The following WDFY2 variants were observed in gnomAD, a reference collection of about 807,000 sequenced individuals.
WDFY2 encodes WD repeat and FYVE domain containing 2, also known as WD repeat and FYVE domain-containing protein 2.
In WDFY2, 36 loss-of-function variants were observed where a neutral mutation model predicts 56.4. The ratio of observed to expected loss-of-function variants is 0.64; its 90% CI spans 0.49 to 0.84. WDFY2 has a LOEUF of 0.84. Ranked by LOEUF, WDFY2 falls within the 40% of genes least tolerant of loss-of-function variation. The pLI is 0.00. For missense variants in WDFY2, 444 were observed against 512.2 expected, an observed-to-expected ratio of 0.87 and a Z score of 1.29; for synonymous variants, 176 against 183.7, an observed-to-expected ratio of 0.96 and a Z score of 0.34.
intron 4 of WDFY2, among the ~76,000 whole-genome samples, chr13:51,707,550 T>G (rs1952109678): frequency 6.6e-6 from 1 of 152,162 alleles, no homozygotes; most frequent in African/African-American, 2.4e-5. Context: ...AAATAAGCAT[T>G]TTTTTGGACA....
intron 1 of WDFY2, among the ~76,000 whole-genome samples, chr13:51,651,284 G>A (rs570688326): frequency 1.1e-4 from 17 of 151,978 alleles, no homozygotes; most frequent in East Asian, 3.9e-4. Context: ...TTTTTATTGC[G>A]TCTGTTTGAT....
chr13:51,584,587 C>T lies in WDFY2; in HGVS notation c.-101C>T. The T allele has an allele frequency of 7.0e-7, 1 of 1,422,364 alleles. No homozygotes were observed. The highest frequency in any genetic ancestry group is 9.3e-7 in the Non-Finnish European group (1 of 1,080,814). 88.1% of individuals were successfully genotyped at this position (1,422,364 alleles called of 1,614,324 possible). On this transcript the variant is annotated 5_prime_UTR_variant, in exon 1 of 12. Transcript: ENST00000298125. ...GTTTCCGGCGTTCCGCTCCGGCCAG[C>T]CAGAGTCTCTGTCTCAACCTGTGTC...
chr13:51,622,853 CT>C (rs59372497), intron 1 of WDFY2, among the ~76,000 whole-genome samples: 4,808 of 130,846 alleles, frequency 0.037, 123 homozygotes, highest in African/African-American at 0.1. Flanking sequence ...TAACTTTACA[CT>C]TTTTTTTTTT....
chr13:51,702,077 C>T (rs771388971), intron 3 of WDFY2, among the ~76,000 whole-genome samples: 43 of 152,004 alleles, frequency 2.8e-4, no homozygotes, highest in Non-Finnish European at 4.9e-4. Flanking sequence ...TTTGGGAGGC[C>T]GAGGTGGGCG....
intron 5 of WDFY2, among the ~76,000 whole-genome samples, chr13:51,724,101 G>C (rs973725920): frequency 1.3e-5 from 2 of 151,224 alleles, no homozygotes; most frequent in African/African-American, 4.9e-5. Flanking sequence ...ATCTTAGGTT[G>C]GTTGGTTGTT....
intron 1 of WDFY2, among the ~76,000 whole-genome samples, chr13:51,647,174 C>G (rs1317052335): frequency 6.6e-6 from 1 of 152,140 alleles, no homozygotes; most frequent in African/African-American, 2.4e-5. Context: ...GATCCTGGAA[C>G]CAGTCCCCAT....
chr13:51,643,186 C>T (rs1216856934), intron 1 of WDFY2, among the ~76,000 whole-genome samples: 1 of 152,056 alleles, frequency 6.6e-6, no homozygotes, highest in East Asian at 1.9e-4. Flanking sequence ...TGTCCATTTC[C>T]AGAATTTTTT....
At chr13:51,611,876 T>C (rs1954510203) in intron 1 of WDFY2, among the ~76,000 whole-genome samples, 1 of 152,210 alleles carries the variant, frequency 6.6e-6, no homozygotes, top group African/African-American at 2.4e-5. Flanking sequence ...TTCTGCTGCC[T>C]GTTGTCATGA....
At chr13:51,640,216 A>G (rs891521867) in intron 1 of WDFY2, among the ~76,000 whole-genome samples, 2 of 152,194 alleles carry the variant, frequency 1.3e-5, no homozygotes, top group African/African-American at 2.4e-5. Context: ...CTGTTTTTCT[A>G]TTTATAATCT....
At chr13:51,740,356 T>C (rs1303136485) in intron 7 of WDFY2, among the ~76,000 whole-genome samples, 1 of 152,240 alleles carries the variant, frequency 6.6e-6, no homozygotes, top group Non-Finnish European at 1.5e-5. Context: ...CGTTTATCTT[T>C]ATGACAAGGG....
At chr13:51,611,052 A>G (rs1954493049) in intron 1 of WDFY2, among the ~76,000 whole-genome samples, 1 of 152,214 alleles carries the variant, frequency 6.6e-6, no homozygotes, top group African/African-American at 2.4e-5. Flanking sequence ...GTGTTCTGCT[A>G]ATTGGAGTCC....
At chr13:51,622,303 T>C (rs1954746536) in intron 1 of WDFY2, among the ~76,000 whole-genome samples, 1 of 152,206 alleles carries the variant, frequency 6.6e-6, no homozygotes, top group Admixed American at 6.5e-5. Context: ...TTGAGTCCCT[T>C]CTCCTTTAGT....
rs1436464088 is a variant in WDFY2 at position 51,705,670 on chromosome 13, T to G, written c.334+2020T>G. The stretch of plus-strand genomic sequence containing the variant: ...GATAGAGGCATGAAATACACAATAA[T>G]CACGTAAGGGTAGATGGGGTATCTG... On this transcript the variant is annotated intron_variant, in intron 4 of 11. Coordinates refer to ENST00000298125, the MANE Select transcript of WDFY2 (RefSeq NM_052950.4). Among the ~76,000 whole-genome samples the G allele has an allele frequency of 2.6e-5, 4 of 152,222 alleles. No homozygotes were observed. In the South Asian group the frequency reaches 8.3e-4, roughly 32 times the overall value.
Position 51,623,843 on chromosome 13 carries a change from T to TG in WDFY2, c.138-36753_138-36752insG, listed in dbSNP as rs1954789402. On this transcript the variant is annotated intron_variant, in intron 1 of 11. Coordinates refer to ENST00000298125, the MANE Select transcript of WDFY2 (RefSeq NM_052950.4). ...CACAACAGGCAGTTTTTACAGAGTT[T>TG]TTTTTTTTTTTAAAGGAATAGGCAC... 2.6e-5 allele frequency among the ~76,000 whole-genome samples: 4 copies of TG among 151,968 alleles called. No individual in the cohort carries two copies. The South Asian group carries it at 8.3e-4, about 32-fold the overall frequency.
intron 3 of WDFY2, among the ~76,000 whole-genome samples, chr13:51,682,951 C>T (rs1040804791): frequency 2.6e-5 from 4 of 152,280 alleles, no homozygotes; most frequent in Admixed American, 1.3e-4. Flanking sequence ...TGTTGCATCA[C>T]AGGAATTTAC....
chr13:51,716,692 C>CAAAA (rs34618973), intron 4 of WDFY2, among the ~76,000 whole-genome samples: 4 of 55,092 alleles, frequency 7.3e-5, no homozygotes, highest in Admixed American at 2.2e-4. Context: ...GACTCCGTCT[C>CAAAA]AAAAAAAAAA....
chr13:51,598,109 C>G (rs1448778903), intron 1 of WDFY2, among the ~76,000 whole-genome samples: 1 of 152,160 alleles, frequency 6.6e-6, no homozygotes, highest in Admixed American at 6.5e-5. Flanking sequence ...CCTGTAATCC[C>G]AGCACTTTGG....
intron 3 of WDFY2, among the ~76,000 whole-genome samples, chr13:51,691,822 C>T (rs1441654220): frequency 1.4e-4 from 21 of 151,864 alleles, no homozygotes; most frequent in Non-Finnish European, 2.5e-4. Flanking sequence ...ATTCTTCCTA[C>T]CCATGAGCAT....
chr13:51,668,907 A>G (rs1308529645), intron 2 of WDFY2, among the ~76,000 whole-genome samples: 2 of 152,260 alleles, frequency 1.3e-5, no homozygotes, highest in Non-Finnish European at 2.9e-5. Context: ...CAGAAAATAC[A>G]TTAGTCATAA....
Sources: gnomAD v4.1 joint callset for allele counts (sites outside exome capture counted in the v4.1 genomes callset) on GRCh38, gnomAD v4.1.1 for gene constraint, MANE v1.5 for transcripts, NCBI Gene and HGNC (gene_info 2026-07-23, HGNC 2026-07-21) for gene names.